The following TANC1 variants were observed in gnomAD, a reference collection of about 807,000 sequenced individuals.
TANC1 encodes the protein tetratricopeptide repeat, ankyrin repeat and coiled-coil containing 1.
TANC1 carries 77 observed loss-of-function variants against 149.7 expected under a neutral mutation model. That is an observed-to-expected ratio of 0.51 (90% CI 0.43 to 0.62). The LOEUF is 0.62. Ranked by LOEUF, TANC1 falls within the 20% of genes least tolerant of loss-of-function variation. TANC1 has a pLI of 0.00. For missense variants in TANC1, 1,985 were observed against 2,321.8 expected (o/e 0.85, Z 2.98); for synonymous variants, 854 against 925.0 (o/e 0.92, Z 1.39).
intron 1 of TANC1, among the ~76,000 whole-genome samples, chr2:159,000,292 A>G (rs1386738359): frequency 6.6e-6 from 1 of 152,056 alleles, no homozygotes; most frequent in Non-Finnish European, 1.5e-5. Flanking sequence ...GTAAGTGGGT[A>G]GGCGAGGCAC....
At chr2:159,154,381 G>A (rs1284188565) in intron 7 of TANC1, among the ~76,000 whole-genome samples, 3 of 152,172 alleles carry the variant, frequency 2.0e-5, no homozygotes, top group Non-Finnish European at 4.4e-5. Context: ...CACATGCCCA[G>A]GCACCCAGTT....
At chr2:159,094,862 C>T (rs1339729972) in intron 3 of TANC1, among the ~76,000 whole-genome samples, 1 of 152,144 alleles carries the variant, frequency 6.6e-6, no homozygotes, top group Non-Finnish European at 1.5e-5. Context: ...TGCTTCTCTC[C>T]CTTGAGGACA....
At chr2:158,970,340 CA>C (rs1312803654) in intron 1 of TANC1, among the ~76,000 whole-genome samples, 1 of 152,128 alleles carries the variant, frequency 6.6e-6, no homozygotes, top group Non-Finnish European at 1.5e-5. Flanking sequence ...GAGAGGAAAG[CA>C]GTTGTGAAGC....
intron 14 of TANC1, among the ~76,000 whole-genome samples, chr2:159,183,971 C>G (rs201201986): frequency 6.6e-6 from 1 of 152,134 alleles, no homozygotes; most frequent in East Asian, 1.9e-4. Context: ...CCCCGTCAGA[C>G]GTGGTGCCAG....
intron 2 of TANC1, among the ~76,000 whole-genome samples, chr2:159,032,048 TG>T (rs1487072181): frequency 1.3e-4 from 20 of 152,310 alleles, no homozygotes; most frequent in African/African-American, 4.8e-4. Context: ...CATATGGCCC[TG>T]GGGTATCTGG....
chr2:158,997,215 G>A (rs760291706), intron 1 of TANC1, among the ~76,000 whole-genome samples: 1 of 152,174 alleles, frequency 6.6e-6, no homozygotes, highest in Non-Finnish European at 1.5e-5. Flanking sequence ...TTCCAACGCT[G>A]CTTTATATAT....
At chr2:159,210,674 C>A (rs1284349984) in intron 19 of TANC1, among the ~76,000 whole-genome samples, 2 of 151,946 alleles carry the variant, frequency 1.3e-5, no homozygotes. Flanking sequence ...TCAAGTGATT[C>A]TCCTGCCTCA....
intron 3 of TANC1, among the ~76,000 whole-genome samples, 199 bp from the exon 4 acceptor site, chr2:159,097,438 C>T (rs1353570161): frequency 6.6e-6 from 1 of 152,100 alleles, no homozygotes; most frequent in African/African-American, 2.4e-5. Context: ...GCACATGGAG[C>T]AGAGTTCACT....
intron 4 of TANC1, among the ~76,000 whole-genome samples, chr2:159,119,752 G>A (rs2048659184): frequency 6.6e-6 from 1 of 152,112 alleles, no homozygotes; most frequent in South Asian, 2.1e-4. Flanking sequence ...TGGCTTATCT[G>A]GCCCCTCTCA....
At chr2:159,081,630 G>C (rs2044281630) in intron 3 of TANC1, among the ~76,000 whole-genome samples, 1 of 152,190 alleles carries the variant, frequency 6.6e-6, no homozygotes, top group South Asian at 2.1e-4. Context: ...TGAGAAAACA[G>C]TTTGGATTTT....
chr2:159,153,546 A>G (rs1175700259), intron 7 of TANC1, among the ~76,000 whole-genome samples: 1 of 152,210 alleles, frequency 6.6e-6, no homozygotes, highest in Non-Finnish European at 1.5e-5. Context: ...TCCTTCCGTG[A>G]CATGCAGAAT....
chr2:159,208,656 C>T (rs1005096511), intron 19 of TANC1, among the ~76,000 whole-genome samples: 3 of 152,236 alleles, frequency 2.0e-5, no homozygotes, highest in Non-Finnish European at 4.4e-5. Flanking sequence ...ACAGAATCCC[C>T]ATACTTGGCT....
At chr2:159,060,044 C>G in intron 2 of TANC1, 1 of 735,176 alleles carries the variant, frequency 1.4e-6, no homozygotes, top group Non-Finnish European at 1.7e-6. Flanking sequence ...GCTACCACCA[C>G]CACTTTCTTG....
Position 159,231,314 on chromosome 2 carries a change from T to C in TANC1, c.*302T>C. The stretch of plus-strand genomic sequence containing the variant: ...GCTTTTGCCACTTTCTTCCTTGCCT[T>C]TGCTATATGGTAGAATCACAGAACT... On this transcript the variant is annotated 3_prime_UTR_variant, in exon 27 of 27. Coordinates refer to ENST00000263635, the MANE Select transcript of TANC1 (RefSeq NM_033394.3). The C allele has an allele frequency of 3.7e-6, 1 of 266,902 alleles. No homozygotes were observed. Among genetic ancestry groups the C allele is most frequent in the Non-Finnish European group, 7.1e-6 (1 of 140,736 alleles). The allele number at this position is 266,902 out of a possible 1,614,324, so 16.5% of individuals were successfully genotyped here.
At chr2:159,000,049 A>G (rs1301372454) in intron 1 of TANC1, among the ~76,000 whole-genome samples, 1 of 152,166 alleles carries the variant, frequency 6.6e-6, no homozygotes, top group Non-Finnish European at 1.5e-5. Context: ...CTAGGATTAC[A>G]GGCAAGGGCC....
chr2:158,986,223 T>C (rs1172462422), intron 1 of TANC1, among the ~76,000 whole-genome samples: 1 of 147,664 alleles, frequency 6.8e-6, no homozygotes, highest in Non-Finnish European at 1.5e-5. Flanking sequence ...ACATGGTGTA[T>C]GATTTTTGGA....
Position 159,230,497 on chromosome 2 carries a change from G to T in TANC1, c.5071G>T (p.Gly1691Cys). The change falls in exon 27 of 27, where the codon GGC (glycine) becomes TGC (cysteine). Residue 1691 changes from glycine to cysteine, a missense_variant. Gly to Cys is a radical substitution (Grantham distance 159). Around this residue, in one of 3 missense-constraint regions of TANC1, gnomAD observed 920 missense variants for 994.7 expected, o/e 0.92. Coordinates refer to ENST00000263635, the MANE Select transcript of TANC1 (RefSeq NM_033394.3). The surrounding 1 kb of genome is among the most constrained non-coding windows in gnomAD (Gnocchi z 4.4). ...GACTTCGAGCAGCAGTTTTTCAGAT[G>T]GCTTCAAGGTCCAAGGACCAGATAC... ...SLTSSSSFSD[G>C]FKVQGPDTRI... is the part of the protein sequence containing the mutation. 6.2e-7 allele frequency: 1 copy of T among 1,614,178 alleles called. No homozygotes were observed. Among genetic ancestry groups the T allele is most frequent in the Non-Finnish European group, 8.5e-7 (1 of 1,180,040 alleles).
At chr2:159,107,563 TACCAGTTGTCCTGGC>T (rs1246160328) in intron 4 of TANC1, among the ~76,000 whole-genome samples, 1 of 152,186 alleles carries the variant, frequency 6.6e-6, no homozygotes, top group Non-Finnish European at 1.5e-5. Context: ...TTCACGTGGA[TACCAGTTGTCCTGGC>T]ACCATTTACT....
At chr2:159,062,973 C>CCAAAA (rs770866772) in intron 2 of TANC1, among the ~76,000 whole-genome samples, 19 of 41,206 alleles carry the variant, frequency 4.6e-4, no homozygotes, top group Non-Finnish European at 7.0e-4. Context: ...GACTCCGTCT[C>CCAAAA]AAAAAAAAAA....
Sources: allele counts gnomAD v4.1 joint callset (sites outside exome capture counted in the v4.1 genomes callset), GRCh38; gene constraint gnomAD v4.1.1; regional missense constraint gnomAD v4.1.1; non-coding constraint Gnocchi (gnomAD v3.1); transcripts MANE v1.5; gene names NCBI Gene and HGNC (gene_info 2026-07-23, HGNC 2026-07-21).